MUC15: variants seen among roughly 807,000 people sequenced by gnomAD.
MUC15 encodes mucin-15.
Under a neutral mutation model 24.0 loss-of-function variants are expected in MUC15, and 23 were observed. That is an observed-to-expected ratio of 0.96 (90% CI 0.69 to 1.36). The LOEUF (loss-of-function observed/expected upper bound fraction) is 1.36, where lower values mean the gene tolerates loss of function less well. Among genes scored for constraint, MUC15 ranks in the 40% most tolerant of loss-of-function variants. The probability of loss-of-function intolerance (pLI) is 0.00; values close to 1 mark genes in which losing one functional copy is unlikely to be tolerated. For synonymous variants in MUC15, 151 were observed against 156.3 expected (o/e 0.97, Z 0.25); for missense variants, 442 against 428.2 (o/e 1.03, Z -0.29).
chr11:26,571,947 A>G (rs1484905589), intron 1 of MUC15, 94 bp downstream of exon 1: 6 of 423,202 alleles, frequency 1.4e-5, no homozygotes, highest in Non-Finnish European at 1.9e-5. Context: ...AGTTGAGACC[A>G]CTGCGATTCT....
rs1850207189 is a variant in MUC15 at position 26,559,747 on chromosome 11, C to A, written c.*1318G>T. On this transcript the variant is annotated 3_prime_UTR_variant, in exon 5 of 5. Coordinates refer to ENST00000529533, the MANE Select transcript of MUC15 (RefSeq NM_001135091.2). Reference sequence around the variant, plus strand: ...ACATATTTGTTCGATAATGGAGGGACAGTCTTCTTTGCTATTTTTATGGCA... The same window carrying A: ...ACATATTTGTTCGATAATGGAGGGAAAGTCTTCTTTGCTATTTTTATGGCA... 6.2e-6 allele frequency: 10 copies of A among 1,611,578 alleles called. No homozygotes were observed. Among genetic ancestry groups the A allele is most frequent in the Non-Finnish European group, 8.5e-6 (10 of 1,178,378 alleles).
chr11:26,572,111 C>A lies in MUC15; in HGVS notation c.-116G>T. 1 of 985,306 alleles carries A rather than the reference C, an allele frequency of 1.0e-6. No individual in the cohort carries two copies. Among genetic ancestry groups the A allele is most frequent in the Non-Finnish European group, 1.2e-6 (1 of 829,904 alleles). 61.0% of individuals were successfully genotyped at this position (985,306 alleles called of 1,614,324 possible). A position where few individuals can be genotyped will look rare whatever the true frequency, so the allele number is the denominator to read the frequency against. On this transcript the variant is annotated 5_prime_UTR_variant, in exon 1 of 5. Coordinates refer to ENST00000529533, the MANE Select transcript of MUC15 (RefSeq NM_001135091.2). Reference sequence around the variant, plus strand: ...GTTGTCCTGTCTGAAAGGAATCTGTCGTGCATTAGAGAAAACAGATGGGTT... The same window carrying A: ...GTTGTCCTGTCTGAAAGGAATCTGTAGTGCATTAGAGAAAACAGATGGGTT...
intron 1 of MUC15, among the ~76,000 whole-genome samples, chr11:26,569,056 T>C (rs902658072): frequency 1.3e-5 from 2 of 152,090 alleles, no homozygotes; most frequent in Non-Finnish European, 2.9e-5. Flanking sequence ...TATAATATTA[T>C]GTGAGAGACA....
intron 1 of MUC15, among the ~76,000 whole-genome samples, chr11:26,570,446 T>C (rs1182018669): frequency 6.6e-6 from 1 of 152,162 alleles, no homozygotes; most frequent in Non-Finnish European, 1.5e-5. Context: ...CATACTTATT[T>C]TATACCAAGC....
rs117896969 is a variant in MUC15, at chr11:26,563,740, C to T, written c.776-475G>A. ...ACCATAAACAAATAAGAAGTCACTACAAGGAAAAATCAGTGTATCCTGATA... is the reference window on the plus strand; with the variant it reads ...ACCATAAACAAATAAGAAGTCACTATAAGGAAAAATCAGTGTATCCTGATA... On this transcript the variant is annotated intron_variant, in intron 3 of 4. Coordinates refer to ENST00000529533, the MANE Select transcript of MUC15 (RefSeq NM_001135091.2). Among the ~76,000 whole-genome samples the T allele has an allele frequency of 3.6e-3, 541 of 151,818 alleles. 3 individuals carry two copies. The highest frequency in any genetic ancestry group is 0.01 in the Middle Eastern group (3 of 294).
chr11:26,569,240 C>A (rs553862059), intron 1 of MUC15, among the ~76,000 whole-genome samples: 1 of 152,184 alleles, frequency 6.6e-6, no homozygotes, highest in East Asian at 1.9e-4. Flanking sequence ...ATCAACACCC[C>A]CAAACGTGCG....
chr11:26,568,505 A>G (rs1309999781), intron 1 of MUC15, among the ~76,000 whole-genome samples: 1 of 151,816 alleles, frequency 6.6e-6, no homozygotes, highest in East Asian at 1.9e-4. Context: ...TCCAAATTTA[A>G]TTATTTTAAC....
intron 1 of MUC15, among the ~76,000 whole-genome samples, chr11:26,569,666 A>G (rs1175508325): frequency 6.6e-6 from 1 of 152,154 alleles, no homozygotes; most frequent in Non-Finnish European, 1.5e-5. Context: ...TCCAGAGGGC[A>G]ACAAATGAAA....
chr11:26,561,157 T>G lies in MUC15; in HGVS notation c.994A>C (p.Thr332Pro), dbSNP rs1429922227. 6.2e-7 allele frequency: 1 copy of G among 1,612,774 alleles called. No individual in the cohort carries two copies. The highest frequency in any genetic ancestry group is 8.5e-7 in the Non-Finnish European group (1 of 1,179,224). ...TCTGGCATGGCTGAATCATTCAAAG[T>G]TGGATTGTAGTAGCTAGAATTCCCA... The part of the protein sequence containing the change: ...SFGNSSYYNP[T>P]LNDSAMPESE... Residue 332 changes from threonine (T) to proline (P), a missense_variant, in exon 5 of 5, where the codon ACT becomes CCT. Coordinates refer to ENST00000529533, the MANE Select transcript of MUC15 (RefSeq NM_001135091.2).
Position 26,565,801 on chromosome 11 carries a change from C to T in MUC15, c.139G>A (p.Gly47Arg). The T allele has an allele frequency of 6.2e-7, 1 of 1,611,172 alleles. No homozygotes were observed. The highest frequency in any genetic ancestry group is 8.5e-7 in the Non-Finnish European group (1 of 1,178,152). The change falls in exon 3 of 5, where the codon GGG (glycine) becomes AGG (arginine). Residue 47 changes from glycine to arginine, a missense_variant. Gly to Arg is a moderately radical substitution (Grantham distance 125). Transcript: ENST00000529533. ...ISTLFYSLLS[G>R]SHGKENQDIN... ...TCTTGATTTTCTTTTCCATGGCTCCCCGATAGAAGTGAATAAAACAACGTT... is the reference window on the plus strand; with the variant it reads ...TCTTGATTTTCTTTTCCATGGCTCCTCGATAGAAGTGAATAAAACAACGTT...
chr11:26,564,157 C>T (rs1850420066), intron 3 of MUC15, among the ~76,000 whole-genome samples: 1 of 151,388 alleles, frequency 6.6e-6, no homozygotes, highest in Non-Finnish European at 1.5e-5. Context: ...AGTAAGTACT[C>T]AGTATTCTCA....
Position 26,567,127 on chromosome 11 carries a change from C to G in MUC15, c.-33G>C. On this transcript the variant is annotated 5_prime_UTR_variant, in exon 2 of 5. Transcript: ENST00000529533. ...ATGAAGAAACTGAAGCTCACAATGG[C>G]TAGTAACAGAAGCTGGAAAATGGAA... 7.0e-7 allele frequency: 1 copy of G among 1,434,650 alleles called. No individual in the cohort carries two copies. The highest frequency in any genetic ancestry group is 9.2e-7 in the Non-Finnish European group (1 of 1,085,842). The allele number at this position is 1,434,650 out of a possible 1,614,324, so 88.9% of individuals were successfully genotyped here. A position where few individuals can be genotyped will look rare whatever the true frequency, so the allele number is the denominator to read the frequency against.
chr11:26,563,057 G>T, intron 4 of MUC15, 59 bp downstream of exon 4: 2 of 1,582,070 alleles, frequency 1.3e-6, no homozygotes, highest in South Asian at 1.2e-5. Flanking sequence ...AGTGAACATT[G>T]GCATCCTCAT....
At position 26,561,221 on chromosome 11, in the gene MUC15, C is replaced by T. The variant is rs757780358; in HGVS notation, c.930G>A (p.Leu310=). 6.3e-7 allele frequency: 1 copy of T among 1,598,610 alleles called. No individual in the cohort carries two copies. The highest frequency in any genetic ancestry group is 8.5e-7 in the Non-Finnish European group (1 of 1,173,294). The change falls in exon 5 of 5, where the codon CTG becomes CTA. Residue 310 remains leucine, a synonymous_variant. Coordinates refer to ENST00000529533, the MANE Select transcript of MUC15 (RefSeq NM_001135091.2). ...AAGGTTCCGGTGCATTGTCTAATCG[C>T]AGAACTAAAAAAGTAACAAAATAAT... ...RLYDDRNEPV[L]RLDNAPEPYD...
At position 26,572,219 on chromosome 11, in the gene MUC15, G is replaced by C. The variant is rs1377249678; in HGVS notation, c.-224C>G. 1.0e-6 allele frequency: 1 copy of C among 985,318 alleles called. No individual in the cohort carries two copies. The allele number at this position is 985,318 out of a possible 1,614,324, so 61.0% of individuals were successfully genotyped here. ...CTGGCTGTATCTTGCTTGTGTAACA[G>C]AGCGCCCAGGAACCTGACTGACCTG... On this transcript the variant is annotated 5_prime_UTR_variant, in exon 1 of 5. Coordinates refer to ENST00000529533, the MANE Select transcript of MUC15 (RefSeq NM_001135091.2).
At chr11:26,569,367 T>C (rs1204916413) in intron 1 of MUC15, among the ~76,000 whole-genome samples, 1 of 152,128 alleles carries the variant, frequency 6.6e-6, no homozygotes, top group African/African-American at 2.4e-5. Flanking sequence ...CAGAAATTTA[T>C]ACACTACAGA....
intron 4 of MUC15, among the ~76,000 whole-genome samples, chr11:26,561,668 G>A (rs758653490): frequency 6.6e-6 from 1 of 151,826 alleles, no homozygotes; most frequent in Middle Eastern, 3.2e-3. Context: ...TATCTTGATG[G>A]CTAAACCATT....
At chr11:26,569,458 A>G (rs1850732393) in intron 1 of MUC15, among the ~76,000 whole-genome samples, 1 of 152,074 alleles carries the variant, frequency 6.6e-6, no homozygotes, top group Admixed American at 6.6e-5. Context: ...TAGGAGAGCC[A>G]GGTTACGCCA....
chr11:26,570,455 G>A (rs1345889793), intron 1 of MUC15, among the ~76,000 whole-genome samples: 1 of 152,056 alleles, frequency 6.6e-6, no homozygotes, highest in Non-Finnish European at 1.5e-5. Flanking sequence ...TTTATACCAA[G>A]CTTTGGAAAT....
Sources: allele counts gnomAD v4.1 joint callset (sites outside exome capture counted in the v4.1 genomes callset), GRCh38; gene constraint gnomAD v4.1.1; transcripts MANE v1.5; gene names NCBI Gene and HGNC (gene_info 2026-07-23, HGNC 2026-07-21).